The following JAZF1 variants were observed in gnomAD, a reference collection of about 807,000 sequenced individuals.
JAZF1 encodes juxtaposed with another zinc finger protein 1.
In JAZF1, 8 loss-of-function variants were observed where a neutral mutation model predicts 26.4. The observed-to-expected ratio is 0.30, with a 90% CI of 0.18 to 0.55. The LOEUF is 0.55. JAZF1 is among the 20% of genes least tolerant of loss of function. JAZF1 has a pLI of 0.94. For missense variants in JAZF1, 199 were observed against 322.0 expected (o/e 0.62, Z 2.92); for synonymous variants, 126 against 122.3 (o/e 1.03, Z -0.20).
chr7:27,834,892 CAGAAAG>C (rs1005908608), intron 4 of JAZF1, among the ~76,000 whole-genome samples: 1 of 152,154 alleles, frequency 6.6e-6, no homozygotes, highest in Non-Finnish European at 1.5e-5. Flanking sequence ...GTGAGAGAGA[CAGAAAG>C]AGAGTGAATG....
At chr7:27,899,360 G>C (rs1449221017) in intron 2 of JAZF1, among the ~76,000 whole-genome samples, 1 of 152,190 alleles carries the variant, frequency 6.6e-6, no homozygotes, top group African/African-American at 2.4e-5. Flanking sequence ...CAAGTCATGT[G>C]ACTCAGTGGC....
chr7:28,106,140 T>G (rs1784547438), intron 1 of JAZF1, among the ~76,000 whole-genome samples: 1 of 152,216 alleles, frequency 6.6e-6, no homozygotes, highest in South Asian at 2.1e-4. Flanking sequence ...TTATTTATGA[T>G]AGTAAAACTA....
chr7:28,129,974 A>G (rs532566621), intron 1 of JAZF1, among the ~76,000 whole-genome samples: 1 of 152,210 alleles, frequency 6.6e-6, no homozygotes, highest in Non-Finnish European at 1.5e-5. Context: ...AAAGTGAAAG[A>G]ATGCCTAAAC....
At chr7:28,056,330 A>C (rs564379385) in intron 1 of JAZF1, among the ~76,000 whole-genome samples, 1 of 152,142 alleles carries the variant, frequency 6.6e-6, no homozygotes, top group Non-Finnish European at 1.5e-5. Context: ...GCCTCATGTC[A>C]GATGGGACTC....
intron 2 of JAZF1, among the ~76,000 whole-genome samples, chr7:27,938,615 G>T (rs549528722): frequency 6.6e-6 from 1 of 152,140 alleles, no homozygotes; most frequent in Non-Finnish European, 1.5e-5. Context: ...GCTTCAAATG[G>T]TGCCTGGTAA....
chr7:28,003,707 A>C (rs551281708), intron 1 of JAZF1, among the ~76,000 whole-genome samples: 76 of 152,184 alleles, frequency 5.0e-4, no homozygotes, highest in Non-Finnish European at 9.0e-4. Flanking sequence ...CACCTGCCAA[A>C]ATTTTTTTTT....
chr7:28,160,805 G>A (rs1280598741), intron 1 of JAZF1, among the ~76,000 whole-genome samples: 1 of 152,206 alleles, frequency 6.6e-6, no homozygotes, highest in Non-Finnish European at 1.5e-5. Context: ...AAAATTATCA[G>A]CAAGATATGG....
At chr7:28,065,385 AC>A (rs1783863826) in intron 1 of JAZF1, among the ~76,000 whole-genome samples, 1 of 151,102 alleles carries the variant, frequency 6.6e-6, no homozygotes, top group Non-Finnish European at 1.5e-5. Flanking sequence ...CACAGTGAAA[AC>A]CTGGGTAGAG....
In JAZF1 at chr7:27,970,443, C is replaced by G. The variant is rs535600558; in HGVS notation, c.188+21466G>C. ...GATCTGTGAACCTGGACAAACAAAA[C>G]AAAACAAAACAAAACAAAAAAACCC... On this transcript the variant is annotated intron_variant, in intron 2 of 4. Transcript: ENST00000283928. Among the ~76,000 whole-genome samples, 31 of 152,126 alleles carry G rather than the reference C, an allele frequency of 2.0e-4. 1 individual carries two copies. Among genetic ancestry groups the G allele is most frequent in the African/African-American group, 7.5e-4 (31 of 41,500 alleles).
rs563565476 is a variant in JAZF1 at position 27,989,582 on chromosome 7, A to G, written c.188+2327T>C. ...ATCTACAAAGAACTTAAACAAATTTACAAGAAAAAAATCAAACAACCCTAT... is the reference window on the plus strand; with the variant it reads ...ATCTACAAAGAACTTAAACAAATTTGCAAGAAAAAAATCAAACAACCCTAT... On this transcript the variant is annotated intron_variant, in intron 2 of 4. Coordinates refer to ENST00000283928, the MANE Select transcript of JAZF1 (RefSeq NM_175061.4). 2.0e-5 allele frequency among the ~76,000 whole-genome samples: 3 copies of G among 152,354 alleles called. No individual in the cohort carries two copies. The South Asian group carries it at 6.2e-4, about 32-fold the overall frequency.
chr7:27,895,454 T>G, intron 2 of JAZF1, 38 bp from the exon 3 acceptor site: 1 of 1,479,738 alleles, frequency 6.8e-7, no homozygotes. Flanking sequence ...CTGGGCCATG[T>G]ATAGAGCATG....
intron 1 of JAZF1, among the ~76,000 whole-genome samples, chr7:27,995,452 C>T (rs1785995690): frequency 6.6e-6 from 1 of 152,112 alleles, no homozygotes; most frequent in Admixed American, 6.5e-5. Flanking sequence ...TTTTTTTTAG[C>T]AGGGCAGGGT....
At chr7:27,976,377 G>T (rs1199171435) in intron 2 of JAZF1, among the ~76,000 whole-genome samples, 4 of 132,132 alleles carry the variant, frequency 3.0e-5, no homozygotes, top group African/African-American at 1.0e-4. Flanking sequence ...AAGAATATAT[G>T]GTCTTTCTGG....
chr7:28,092,702 C>A (rs535275492), intron 1 of JAZF1, among the ~76,000 whole-genome samples: 140 of 151,118 alleles, frequency 9.3e-4, no homozygotes, highest in Non-Finnish European at 1.6e-3. Flanking sequence ...AGAAAAAAAA[C>A]CAAAAAAATT....
intron 4 of JAZF1, among the ~76,000 whole-genome samples, chr7:27,835,223 G>A (rs1782783084): frequency 6.6e-6 from 1 of 152,108 alleles, no homozygotes; most frequent in African/African-American, 2.4e-5. Context: ...GAAACAAAAA[G>A]GCACAGCAAC....
Position 27,895,351 on chromosome 7 carries a change from G to A in JAZF1, c.254C>T (p.Ser85Leu), listed in dbSNP as rs1236026612. ...AGACACTGAGCTGGACAGAGTCAGCGAGAGCTTCGGCTGAATCTTCTTCTT... is the reference window on the plus strand; with the variant it reads ...AGACACTGAGCTGGACAGAGTCAGCAAGAGCTTCGGCTGAATCTTCTTCTT... ...SLKKKIQPKL[S>L]LTLSSSVSRG... The change falls in exon 3 of 5, where the codon TCG (serine) becomes TTG (leucine). Residue 85 changes from serine to leucine, a missense_variant. This residue lies in a region of JAZF1 where 137 missense variants were observed against 184.8 expected (regional missense o/e 0.74). Transcript: ENST00000283928. 2.5e-6 allele frequency: 4 copies of A among 1,609,590 alleles called. No individual in the cohort carries two copies. Among genetic ancestry groups the A allele is most frequent in the South Asian group, 1.1e-5 (1 of 90,114 alleles).
intron 2 of JAZF1, among the ~76,000 whole-genome samples, chr7:27,906,247 G>A (rs1286479229): frequency 7.6e-6 from 1 of 132,350 alleles, no homozygotes; most frequent in Non-Finnish European, 1.6e-5. Flanking sequence ...GTGGTGAGGT[G>A]CTGGATGCCC....
intron 3 of JAZF1, among the ~76,000 whole-genome samples, chr7:27,891,602 G>A (rs776743850): frequency 1.8e-4 from 28 of 152,146 alleles, no homozygotes; most frequent in Non-Finnish European, 3.4e-4. Context: ...AGAGGCAGGA[G>A]GATTGCTTGA....
At chr7:27,845,818 A>G (rs935006007) in intron 3 of JAZF1, among the ~76,000 whole-genome samples, 1 of 151,980 alleles carries the variant, frequency 6.6e-6, no homozygotes. Context: ...CTCCAGGTCT[A>G]CCTCATGCAG....
Sources: gnomAD v4.1 joint callset for allele counts (sites outside exome capture counted in the v4.1 genomes callset) on GRCh38, gnomAD v4.1.1 for gene constraint, gnomAD v4.1.1 regional missense constraint, MANE v1.5 for transcripts, NCBI Gene and HGNC (gene_info 2026-07-23, HGNC 2026-07-21) for gene names.